The following IFITM1 variants were observed in gnomAD, a reference collection of about 807,000 sequenced individuals.
IFITM1 encodes interferon-induced transmembrane protein 1.
Under a neutral mutation model 4.0 loss-of-function variants are expected in IFITM1, and 1 was observed. The observed-to-expected ratio is 0.25, with a 90% CI of 0.09 to 1.18. The LOEUF is 1.18. IFITM1 is among the 50% of genes most tolerant of loss of function. The probability of loss-of-function intolerance (pLI) is 0.50; values close to 1 mark genes in which losing one functional copy is unlikely to be tolerated. For synonymous variants in IFITM1, 79 were observed against 69.7 expected, an observed-to-expected ratio of 1.13 and a Z score of -0.67; for missense variants, 131 against 163.2, an observed-to-expected ratio of 0.80 and a Z score of 1.08.
Position 314,221 on chromosome 11 carries a change from C to T in IFITM1, c.51C>T (p.Thr17=). Residue 17 remains threonine (T), a synonymous_variant, in exon 1 of 2, where the codon ACC becomes ACT. Coordinates refer to ENST00000408968, the MANE Select transcript of IFITM1 (RefSeq NM_003641.5). This position sits in a 1 kb window ranked among gnomAD's most constrained non-coding sequence, Gnocchi z 4.5. ...EVAVLGPPPS[T]ILPRSTVINI... is the part of the protein sequence containing the mutation. Reference sequence around the variant, plus strand: ...CTGTGCTGGGGCCACCCCCCAGCACCATCCTTCCAAGGTCCACCGTGATCA... The same window carrying T: ...CTGTGCTGGGGCCACCCCCCAGCACTATCCTTCCAAGGTCCACCGTGATCA... 1 of 1,613,338 alleles carries T rather than the reference C, an allele frequency of 6.2e-7. No homozygotes were observed. The highest frequency in any genetic ancestry group is 8.5e-7 in the Non-Finnish European group (1 of 1,179,732).
Position 315,210 on chromosome 11 carries a change from T to C in IFITM1, c.*97T>C, listed in dbSNP as rs1185549114. 1.7e-6 allele frequency: 2 copies of C among 1,154,174 alleles called. No individual in the cohort carries two copies. Among genetic ancestry groups the C allele is most frequent in the Non-Finnish European group, 2.5e-6 (2 of 787,502 alleles). The allele number at this position is 1,154,174 out of a possible 1,614,324, so 71.5% of individuals were successfully genotyped here. On this transcript the variant is annotated 3_prime_UTR_variant, in exon 2 of 2. Coordinates refer to ENST00000408968, the MANE Select transcript of IFITM1 (RefSeq NM_003641.5). ...CTGCCCCCTTGGTCCTGCCCCTAGA[T>C]ACAGCAGTTTATACCCACACACCTG...
In IFITM1 at chr11:314,527, G is replaced by A. The variant is rs1377715751; in HGVS notation, c.186+171G>A. The A allele has an allele frequency of 4.4e-6, 4 of 904,764 alleles. No homozygotes were observed. The highest frequency in any genetic ancestry group is 7.3e-6 in the Non-Finnish European group (4 of 551,716). 56.0% of individuals were successfully genotyped at this position (904,764 alleles called of 1,614,324 possible). ...CTTTGTCTGTGTGATCTGTGTGTGT[G>A]TGTGGCTTTGGGGAATCTGCCCAGT... On this transcript the variant is annotated intron_variant, in intron 1 of 1. Coordinates refer to ENST00000408968, the MANE Select transcript of IFITM1 (RefSeq NM_003641.5). This position sits in a 1 kb window ranked among gnomAD's most constrained non-coding sequence, Gnocchi z 4.5.
chr11:315,045 C>G lies in IFITM1; in HGVS notation c.310C>G (p.Leu104Val), dbSNP rs781091929. The G allele has an allele frequency of 6.2e-7, 1 of 1,614,196 alleles. No homozygotes were observed. The highest frequency in any genetic ancestry group is 1.1e-5 in the South Asian group (1 of 91,082). The change falls in exon 2 of 2, where the codon CTG becomes GTG. Residue 104 changes from leucine (L) to valine (V), a missense_variant. Physicochemically the swap from Leu to Val is conservative, Grantham distance 32 (BLOSUM62 1). Around this residue, in one of 3 missense-constraint regions of IFITM1, gnomAD observed 35 missense variants for 30.1 expected, o/e 1.16. Coordinates refer to ENST00000408968, the MANE Select transcript of IFITM1 (RefSeq NM_003641.5). ...CATGACCATTGGATTCATCCTGTTA[C>G]TGGTATTCGGCTCTGTGACAGTCTA... The part of the protein sequence containing the change: ...ILMTIGFILL[L>V]VFGSVTVYHI...
rs1846030619 is a variant in IFITM1, at chr11:314,191, G to A, written c.21G>A (p.Glu7=). 1 of 1,614,010 alleles carries A rather than the reference G, an allele frequency of 6.2e-7. No individual in the cohort carries two copies. Among genetic ancestry groups the A allele is most frequent in the Non-Finnish European group, 8.5e-7 (1 of 1,179,932 alleles). ...AGAAGATGCACAAGGAGGAACATGA[G>A]GTGGCTGTGCTGGGGCCACCCCCCA... MHKEEH[E]VAVLGPPPST... The change falls in exon 1 of 2, where the codon GAG becomes GAA. Residue 7 remains glutamate (E), a synonymous_variant. Coordinates refer to ENST00000408968, the MANE Select transcript of IFITM1 (RefSeq NM_003641.5). This position sits in a 1 kb window ranked among gnomAD's most constrained non-coding sequence, Gnocchi z 4.5.
chr11:314,246 A>C lies in IFITM1; in HGVS notation c.76A>C (p.Asn26His), dbSNP rs746262747. The change falls in exon 1 of 2, where the codon AAC (asparagine) becomes CAC (histidine). Residue 26 changes from asparagine to histidine, a missense_variant. Physicochemically the swap from Asn to His is moderately conservative, Grantham distance 68 (BLOSUM62 1). Transcript: ENST00000408968. The surrounding 1 kb of genome is among the most constrained non-coding windows in gnomAD (Gnocchi z 4.5). ...CATCCTTCCAAGGTCCACCGTGATC[A>C]ACATCCACAGCGAGACCTCCGTGCC... Reference protein sequence around the residue: ...STILPRSTVINIHSETSVPDH... With the variant: ...STILPRSTVIHIHSETSVPDH... 4.3e-6 allele frequency: 7 copies of C among 1,613,142 alleles called. No homozygotes were observed. The highest frequency in any genetic ancestry group is 2.7e-5 in the African/African-American group (2 of 74,672).
In IFITM1 at chr11:314,045, G is replaced by C. The variant is rs1278277694; in HGVS notation, c.-126G>C. 4.1e-6 allele frequency: 3 copies of C among 729,922 alleles called. No individual in the cohort carries two copies. Among genetic ancestry groups the C allele is most frequent in the East Asian group, 2.6e-5 (1 of 38,506 alleles). The allele number at this position is 729,922 out of a possible 1,614,324, so 45.2% of individuals were successfully genotyped here. A position where few individuals can be genotyped will look rare whatever the true frequency, so the allele number is the denominator to read the frequency against. On this transcript the variant is annotated 5_prime_UTR_variant, in exon 1 of 2. Coordinates refer to ENST00000408968, the MANE Select transcript of IFITM1 (RefSeq NM_003641.5). This position sits in a 1 kb window ranked among gnomAD's most constrained non-coding sequence, Gnocchi z 4.5. ...ATACACACTTCTGAGAAACTGAAAC[G>C]ACAGGGGAAAGGAGGTCTCACTGAG...
Position 314,954 on chromosome 11 carries a change from C to T in IFITM1, c.219C>T (p.Thr73=), listed in dbSNP as rs368042885. The change falls in exon 2 of 2, where the codon ACC becomes ACT. Residue 73 remains threonine, a synonymous_variant. Coordinates refer to ENST00000408968, the MANE Select transcript of IFITM1 (RefSeq NM_003641.5). This position sits in a 1 kb window ranked among gnomAD's most constrained non-coding sequence, Gnocchi z 4.5. ...ACAGGAAGATGGTTGGCGACGTGAC[C>T]GGGGCCCAGGCCTATGCCTCCACCG... The part of the protein sequence containing the change: ...SRDRKMVGDV[T]GAQAYASTAK... 173 of 1,613,658 alleles carry T rather than the reference C, an allele frequency of 1.1e-4. No homozygotes were observed. The highest frequency in any genetic ancestry group is 1.4e-4 in the Non-Finnish European group (162 of 1,179,992).
Position 314,466 on chromosome 11 carries a change from T to C in IFITM1, c.186+110T>C. 8.3e-7 allele frequency: 1 copy of C among 1,201,982 alleles called. No individual in the cohort carries two copies. The highest frequency in any genetic ancestry group is 1.2e-6 in the Non-Finnish European group (1 of 815,132). The allele number at this position is 1,201,982 out of a possible 1,614,324, so 74.5% of individuals were successfully genotyped here. On this transcript the variant is annotated intron_variant, in intron 1 of 1. Coordinates refer to ENST00000408968, the MANE Select transcript of IFITM1 (RefSeq NM_003641.5). The surrounding 1 kb of genome is among the most constrained non-coding windows in gnomAD (Gnocchi z 4.5). ...GTGTGTCCCTGTGACTGTGAGTTTG[T>C]GTGCACCTCTGCCCCGTGTGTGCTC...
In IFITM1 at chr11:314,201, C is replaced by T; in HGVS notation, c.31C>T (p.Leu11=). 6.2e-7 allele frequency: 1 copy of T among 1,614,014 alleles called. No homozygotes were observed. The highest frequency in any genetic ancestry group is 1.1e-5 in the South Asian group (1 of 91,080). Residue 11 remains leucine, a synonymous_variant, in exon 1 of 2, where the codon CTG becomes TTG. Transcript: ENST00000408968. The surrounding 1 kb of genome is among the most constrained non-coding windows in gnomAD (Gnocchi z 4.5). MHKEEHEVAV[L]GPPPSTILPR... is the part of the protein sequence containing the mutation. Reference sequence around the variant, plus strand: ...CAAGGAGGAACATGAGGTGGCTGTGCTGGGGCCACCCCCCAGCACCATCCT... The same window carrying T: ...CAAGGAGGAACATGAGGTGGCTGTGTTGGGGCCACCCCCCAGCACCATCCT...
At position 315,211 on chromosome 11, in the gene IFITM1, A is replaced by C. The variant is rs1846040565; in HGVS notation, c.*98A>C. ...TGCCCCCTTGGTCCTGCCCCTAGAT[A>C]CAGCAGTTTATACCCACACACCTGT... is the stretch of plus-strand genomic sequence containing the variant. On this transcript the variant is annotated 3_prime_UTR_variant, in exon 2 of 2. Transcript: ENST00000408968. 4 of 1,153,740 alleles carry C rather than the reference A, an allele frequency of 3.5e-6. No individual in the cohort carries two copies. The highest frequency in any genetic ancestry group is 5.1e-6 in the Non-Finnish European group (4 of 787,278). 71.5% of individuals were successfully genotyped at this position (1,153,740 alleles called of 1,614,324 possible). A position where few individuals can be genotyped will look rare whatever the true frequency, so the allele number is the denominator to read the frequency against.
Position 315,104 on chromosome 11 carries a change from G to A in IFITM1, c.369G>A (p.Arg123=). The change falls in exon 2 of 2, where the codon CGG becomes CGA. Residue 123 remains arginine, a synonymous_variant. Transcript: ENST00000408968. ...TGTTACAGATAATACAGGAAAAACG[G>A]GGTTACTAGTAGCCGCCCATAGCCT... ...HIMLQIIQEK[R]GY The A allele has an allele frequency of 6.2e-7, 1 of 1,614,008 alleles. No homozygotes were observed. The highest frequency in any genetic ancestry group is 8.5e-7 in the Non-Finnish European group (1 of 1,179,942).
rs898341283 is a variant in IFITM1 at position 314,517 on chromosome 11, C to CTG, written c.186+174_186+175dup. On this transcript the variant is annotated intron_variant, in intron 1 of 1. Coordinates refer to ENST00000408968, the MANE Select transcript of IFITM1 (RefSeq NM_003641.5). This position sits in a 1 kb window ranked among gnomAD's most constrained non-coding sequence, Gnocchi z 4.5. ...ACGTCAGTAGCTTTGTCTGTGTGATCTGTGTGTGTGTGTGGCTTTGGGGAA... is the reference window on the plus strand; with the variant it reads ...ACGTCAGTAGCTTTGTCTGTGTGATCTGTGTGTGTGTGTGTGGCTTTGGGGAA... 51 of 898,662 alleles carry CTG rather than the reference C, an allele frequency of 5.7e-5. No individual in the cohort carries two copies. The highest frequency in any genetic ancestry group is 6.9e-5 in the Non-Finnish European group (38 of 549,862). The allele number at this position is 898,662 out of a possible 1,614,324, so 55.7% of individuals were successfully genotyped here. A position where few individuals can be genotyped will look rare whatever the true frequency, so the allele number is the denominator to read the frequency against.
rs944139533 is a variant in IFITM1, at chr11:314,784, G to A, written c.187-138G>A. 6.1e-4 allele frequency: 698 copies of A among 1,141,534 alleles called. No individual in the cohort carries two copies. Among genetic ancestry groups the A allele is most frequent in the Non-Finnish European group, 8.5e-4 (657 of 773,458 alleles). The allele number at this position is 1,141,534 out of a possible 1,614,324, so 70.7% of individuals were successfully genotyped here. The stretch of plus-strand genomic sequence containing the variant: ...CCAAGGCAGAAGGAGGATGAGCCCC[G>A]AGGCTCCTGGAGAGTCTGAGCCCGG... On this transcript the variant is annotated intron_variant, in intron 1 of 1. Transcript: ENST00000408968. The surrounding 1 kb of genome is among the most constrained non-coding windows in gnomAD (Gnocchi z 4.5).
In IFITM1 at chr11:314,945, C is replaced by T. The variant is rs375440193; in HGVS notation, c.210C>T (p.Gly70=). 56 of 1,613,376 alleles carry T rather than the reference C, an allele frequency of 3.5e-5. No individual in the cohort carries two copies. Among genetic ancestry groups the T allele is most frequent in the African/African-American group, 1.1e-4 (8 of 75,020 alleles). The part of the protein sequence containing the change: ...SVKSRDRKMV[G]DVTGAQAYAS... ...AGTCTAGGGACAGGAAGATGGTTGG[C>T]GACGTGACCGGGGCCCAGGCCTATG... is the stretch of plus-strand genomic sequence containing the variant. The change falls in exon 2 of 2, where the codon GGC becomes GGT. Residue 70 remains glycine, a synonymous_variant. Transcript: ENST00000408968. The surrounding 1 kb of genome is among the most constrained non-coding windows in gnomAD (Gnocchi z 4.5).
chr11:314,323 T>C lies in IFITM1; in HGVS notation c.153T>C (p.Cys51=), dbSNP rs12432. 3,894 of 1,613,290 alleles carry C rather than the reference T, an allele frequency of 2.4e-3. 75 individuals carry two copies. The African/African-American group carries it at 0.043, about 18-fold the overall frequency. Residue 51 remains cysteine (C), a synonymous_variant, in exon 1 of 2, where the codon TGT becomes TGC. Transcript: ENST00000408968. The surrounding 1 kb of genome is among the most constrained non-coding windows in gnomAD (Gnocchi z 4.5). The stretch of plus-strand genomic sequence containing the variant: ...ACACCCTCTTCTTGAACTGGTGCTG[T>C]CTGGGCTTCATAGCATTCGCCTACT... ...LFNTLFLNWC[C]LGFIAFAYSV... is the part of the protein sequence containing the mutation.
In IFITM1 at chr11:315,189, C is replaced by T. The variant is rs1167762083; in HGVS notation, c.*76C>T. On this transcript the variant is annotated 3_prime_UTR_variant, in exon 2 of 2. Transcript: ENST00000408968. ...TGCACGCTGGGGCTGTTGCCCCTGC[C>T]CCCTTGGTCCTGCCCCTAGATACAG... 25 of 1,412,674 alleles carry T rather than the reference C, an allele frequency of 1.8e-5. No individual in the cohort carries two copies. The highest frequency in any genetic ancestry group is 3.5e-5 in the Admixed American group (2 of 57,094). The allele number at this position is 1,412,674 out of a possible 1,614,324, so 87.5% of individuals were successfully genotyped here.
At position 314,267 on chromosome 11, in the gene IFITM1, G is replaced by T. The variant is rs371803538; in HGVS notation, c.97G>T (p.Val33Leu). The T allele has an allele frequency of 6.2e-7, 1 of 1,613,904 alleles. No individual in the cohort carries two copies. The highest frequency in any genetic ancestry group is 1.1e-5 in the South Asian group (1 of 91,070). ...TVINIHSETS[V>L]PDHVVWSLFN... ...GATCAACATCCACAGCGAGACCTCC[G>T]TGCCCGACCATGTCGTCTGGTCCCT... The change falls in exon 1 of 2, where the codon GTG becomes TTG. Residue 33 changes from valine to leucine, a missense_variant. Physicochemically the swap from Val to Leu is conservative, Grantham distance 32. Transcript: ENST00000408968. This position sits in a 1 kb window ranked among gnomAD's most constrained non-coding sequence, Gnocchi z 4.5.
chr11:314,291 CT>C lies in IFITM1; in HGVS notation c.122del (p.Leu41ArgfsTer7). 1 of 1,613,988 alleles carries C rather than the reference CT, an allele frequency of 6.2e-7. No homozygotes were observed. Among genetic ancestry groups the C allele is most frequent in the Non-Finnish European group, 8.5e-7 (1 of 1,179,878 alleles). On this transcript the variant is annotated frameshift_variant, in exon 1 of 2. Transcript: ENST00000408968. LOFTEE classifies it high-confidence loss of function. This position sits in a 1 kb window ranked among gnomAD's most constrained non-coding sequence, Gnocchi z 4.5. ...TSVPDHVVWS[L>X]FNTLFLNWCC... ...CGTGCCCGACCATGTCGTCTGGTCC[CT>C]GTTCAACACCCTCTTCTTGAACTGG...
In IFITM1 at chr11:314,310, T is replaced by G; in HGVS notation, c.140T>G (p.Leu47Trp). 6.2e-7 allele frequency: 1 copy of G among 1,613,946 alleles called. No individual in the cohort carries two copies. Among genetic ancestry groups the G allele is most frequent in the Non-Finnish European group, 8.5e-7 (1 of 1,179,856 alleles). ...VVWSLFNTLF[L>W]NWCCLGFIAF... ...TGGTCCCTGTTCAACACCCTCTTCT[T>G]GAACTGGTGCTGTCTGGGCTTCATA... The change falls in exon 1 of 2, where the codon TTG becomes TGG. Residue 47 changes from leucine (L) to tryptophan (W), a missense_variant. Physicochemically the swap from Leu to Trp is moderately conservative, Grantham distance 61. This residue lies in a region of IFITM1 where 77 missense variants were observed against 80.1 expected (regional missense o/e 0.96). Transcript: ENST00000408968. The surrounding 1 kb of genome is among the most constrained non-coding windows in gnomAD (Gnocchi z 4.5).
Sources: allele counts gnomAD v4.1 joint callset, GRCh38; gene constraint gnomAD v4.1.1; regional missense constraint gnomAD v4.1.1; non-coding constraint Gnocchi (gnomAD v3.1); transcripts MANE v1.5; gene names NCBI Gene and HGNC (gene_info 2026-07-23, HGNC 2026-07-21).